The following ZNF721 variants were observed in gnomAD, a reference collection of about 807,000 sequenced individuals.
ZNF721 encodes zinc finger protein 721.
A neutral mutation model predicts 2.4 loss-of-function variants in ZNF721; 2 were observed. The ratio of observed to expected loss-of-function variants is 0.82; its 90% CI spans 0.34 to 2.58. The LOEUF is 2.58. Among genes scored for constraint, ZNF721 ranks in the 30% most tolerant of loss-of-function variants. The pLI is 0.11. For synonymous variants in ZNF721, 398 were observed against 381.8 expected, an observed-to-expected ratio of 1.04 and a Z score of -0.50; for missense variants, 1,187 against 1,085.5, an observed-to-expected ratio of 1.09 and a Z score of -1.31.
At chr4:498,152 C>G (rs1553873034) in intron 1 of ZNF721, among the ~76,000 whole-genome samples, 3 of 139,076 alleles carry the variant, frequency 2.2e-5, no homozygotes, top group African/African-American at 5.4e-5. Context: ...TTGCAGTGAT[C>G]TGAGATCACG....
At chr4:495,459 T>TC (rs1553872094) in intron 1 of ZNF721, among the ~76,000 whole-genome samples, 3 of 150,696 alleles carry the variant, frequency 2.0e-5, no homozygotes, top group Admixed American at 1.3e-4. Context: ...AATTGACTTT[T>TC]TTTTTTTTTT....
chr4:489,694 C>T (rs1553871198), intron 1 of ZNF721, among the ~76,000 whole-genome samples: 1 of 152,202 alleles, frequency 6.6e-6, no homozygotes, highest in African/African-American at 2.4e-5. Flanking sequence ...CTCAATGTGG[C>T]AGCCACCTGA....
chr4:493,500 G>A (rs982059201), intron 1 of ZNF721, among the ~76,000 whole-genome samples: 19 of 152,088 alleles, frequency 1.2e-4, no homozygotes, highest in African/African-American at 3.6e-4. Flanking sequence ...CCAACATGGC[G>A]AAACCCTTTC....
At chr4:497,911 CAA>C (rs200899977) in intron 1 of ZNF721, among the ~76,000 whole-genome samples, 2 of 128,846 alleles carry the variant, frequency 1.6e-5, no homozygotes, top group Non-Finnish European at 3.3e-5. Context: ...AACAAACCAA[CAA>C]AAAAAAAACA....
chr4:472,253 G>C (rs1475195679), intron 2 of ZNF721, among the ~76,000 whole-genome samples: 2 of 152,266 alleles, frequency 1.3e-5, no homozygotes, highest in East Asian at 1.9e-4. Context: ...GTAGAGACAG[G>C]GTTTTGCCAT....
At chr4:445,511 T>C (rs58422656) in intron 2 of ZNF721, among the ~76,000 whole-genome samples, 8,640 of 152,188 alleles carry the variant, frequency 0.057, 369 homozygotes, top group African/African-American at 0.12. Context: ...GTATACAAAA[T>C]ATTAGAACAC....
At chr4:471,029 A>G (rs1341865854) in intron 2 of ZNF721, among the ~76,000 whole-genome samples, 1 of 152,026 alleles carries the variant, frequency 6.6e-6, no homozygotes, top group Non-Finnish European at 1.5e-5. Flanking sequence ...TAATATCCAT[A>G]TCCAAAATGT....
At position 440,872 on chromosome 4, in the gene ZNF721, G is replaced by A. The variant is rs1448548059; in HGVS notation, c.*823C>T. 1.3e-5 allele frequency: 2 copies of A among 152,366 alleles called. No homozygotes were observed. The highest frequency in any genetic ancestry group is 4.1e-4 in the South Asian group (2 of 4,826). The allele number at this position is 152,366 out of a possible 1,614,324, so 9.4% of individuals were successfully genotyped here. On this transcript the variant is annotated 3_prime_UTR_variant, in exon 3 of 3. Transcript: ENST00000511833. ...GTACAGACGAGGTTTCTCCATATTG[G>A]TCAGGCTGTCCTTGAACTCCCGACC...
At chr4:474,119 T>C (rs1483207600) in intron 1 of ZNF721, 2 of 1,112,270 alleles carry the variant, frequency 1.8e-6, no homozygotes, top group South Asian at 2.5e-5. Context: ...AGTGAGGCCC[T>C]AACCGAGCTC....
At chr4:482,205 C>T (rs1715787649) in intron 1 of ZNF721, among the ~76,000 whole-genome samples, 3 of 152,140 alleles carry the variant, frequency 2.0e-5, no homozygotes, top group African/African-American at 7.2e-5. Flanking sequence ...GTCTTGCTGC[C>T]CTGGCTGGAG....
chr4:445,680 AAGG>A (rs1220032578), intron 2 of ZNF721, among the ~76,000 whole-genome samples: 3 of 152,212 alleles, frequency 2.0e-5, no homozygotes, highest in Non-Finnish European at 2.9e-5. Context: ...AACATAAAAA[AAGG>A]AGGTGAAAAA....
chr4:495,201 G>T (rs1209514658), intron 1 of ZNF721, among the ~76,000 whole-genome samples: 1 of 151,084 alleles, frequency 6.6e-6, no homozygotes, highest in Non-Finnish European at 1.5e-5. Context: ...TTTTAACAAA[G>T]ACATTTTTGT....
At chr4:491,577 G>A (rs782615408) in intron 1 of ZNF721, among the ~76,000 whole-genome samples, 1 of 152,220 alleles carries the variant, frequency 6.6e-6, no homozygotes, top group Non-Finnish European at 1.5e-5. Context: ...GGTAGAGCAA[G>A]TAATTAGAGA....
At chr4:472,488 A>G in intron 2 of ZNF721, 87 bp downstream of exon 2, 1 of 1,425,276 alleles carries the variant, frequency 7.0e-7, no homozygotes. Flanking sequence ...ACATTTTTAT[A>G]TAGATATATC....
chr4:441,887 A>G lies in ZNF721; in HGVS notation c.2580T>C (p.Thr860=), dbSNP rs1553863182. 2 of 1,613,944 alleles carry G rather than the reference A, an allele frequency of 1.2e-6. No homozygotes were observed. The highest frequency in any genetic ancestry group is 2.2e-5 in the East Asian group (1 of 44,878). Residue 860 remains threonine (T), a synonymous_variant, in exon 3 of 3, where the codon ACT becomes ACC. Coordinates refer to ENST00000511833, the MANE Select transcript of ZNF721 (RefSeq NM_133474.4). Reference sequence around the variant, plus strand: ...CTCCACATGTGTAGGGTTTCTCTCCAGTATGAATTCTCCTATGTACATAAA... The same window carrying G: ...CTCCACATGTGTAGGGTTTCTCTCCGGTATGAATTCTCCTATGTACATAAA... ...AILYVHRRIH[T]GEKPYTCGEC...
intron 2 of ZNF721, among the ~76,000 whole-genome samples, chr4:459,693 T>TGGTGGCGGGCGC (rs1290715157): frequency 6.6e-6 from 1 of 151,714 alleles, no homozygotes; most frequent in Non-Finnish European, 1.5e-5. Context: ...TAGCCGGGCG[T>TGGTGGCGGGCGC]GGTGGCGGGC....
intron 2 of ZNF721, among the ~76,000 whole-genome samples, chr4:460,679 C>T (rs1715037774): frequency 6.9e-6 from 1 of 145,786 alleles, no homozygotes; most frequent in South Asian, 2.1e-4. Context: ...TTGAAAAGAT[C>T]AACAAAATAG....
At chr4:459,111 A>G (rs1335294036) in intron 2 of ZNF721, among the ~76,000 whole-genome samples, 2 of 152,188 alleles carry the variant, frequency 1.3e-5, no homozygotes, top group Non-Finnish European at 2.9e-5. Context: ...ATGCTGAGAG[A>G]TTGTCACCAC....
At chr4:496,061 T>C (rs1202759547) in intron 1 of ZNF721, among the ~76,000 whole-genome samples, 1 of 152,178 alleles carries the variant, frequency 6.6e-6, no homozygotes. Flanking sequence ...GTAAATAAAA[T>C]CCCTTTAGCA....
Sources: gnomAD v4.1 joint callset for allele counts (sites outside exome capture counted in the v4.1 genomes callset) on GRCh38, gnomAD v4.1.1 for gene constraint, MANE v1.5 for transcripts, NCBI Gene and HGNC (gene_info 2026-07-23, HGNC 2026-07-21) for gene names.